TOX3: variants seen among roughly 807,000 people sequenced by gnomAD.
TOX3 encodes CAG trinucleotide repeat-containing gene F9 protein.
A neutral mutation model predicts 64.3 loss-of-function variants in TOX3; 22 were observed. That is an observed-to-expected ratio of 0.34 (90% CI 0.24 to 0.49). The LOEUF (loss-of-function observed/expected upper bound fraction) is 0.49, where lower values mean the gene tolerates loss of function less well. Ranked by LOEUF, TOX3 falls within the 20% of genes least tolerant of loss-of-function variation. The pLI, the probability that TOX3 is intolerant of heterozygous loss-of-function variation, is 0.99. For missense variants in TOX3, 661 were observed against 714.4 expected, an observed-to-expected ratio of 0.93 and a Z score of 0.85; for synonymous variants, 291 against 273.6, an observed-to-expected ratio of 1.06 and a Z score of -0.63.
At chr16:52,512,012 T>A (rs558082275) in intron 1 of TOX3, among the ~76,000 whole-genome samples, 1 of 152,286 alleles carries the variant, frequency 6.6e-6, no homozygotes, top group East Asian at 1.9e-4. Flanking sequence ...CGTTGCCTAT[T>A]CCTCAACTTT....
chr16:52,469,721 A>G (rs1960983913), intron 1 of TOX3, among the ~76,000 whole-genome samples: 1 of 152,218 alleles, frequency 6.6e-6, no homozygotes, highest in African/African-American at 2.4e-5. Flanking sequence ...TTGAGAATAA[A>G]TAGAATATGG....
chr16:52,470,477 C>T (rs984836990), intron 1 of TOX3, among the ~76,000 whole-genome samples: 1 of 151,810 alleles, frequency 6.6e-6, no homozygotes, highest in East Asian at 1.9e-4. Flanking sequence ...TCTAATAGCA[C>T]CTAAAACAAC....
chr16:52,486,196 G>A (rs1961527313), intron 1 of TOX3, among the ~76,000 whole-genome samples: 1 of 152,162 alleles, frequency 6.6e-6, no homozygotes, highest in Admixed American at 6.5e-5. Flanking sequence ...AAGAGGCCTA[G>A]AGGAGAACCC....
Position 52,440,009 on chromosome 16 carries a change from T to A in TOX3, c.988-41A>T, listed in dbSNP as rs752944914. On this transcript the variant is annotated intron_variant, in intron 6 of 6. Transcript: ENST00000219746. ...GAAAATTCCAGACTGTTACAACACA[T>A]AAGTATTTAAAATATTTAAGCATTT... The A allele has an allele frequency of 2.1e-6, 3 of 1,441,068 alleles. No homozygotes were observed. In the East Asian group the frequency reaches 7.0e-5, roughly 33 times the overall value. The allele number at this position is 1,441,068 out of a possible 1,614,324, so 89.3% of individuals were successfully genotyped here.
intron 1 of TOX3, among the ~76,000 whole-genome samples, chr16:52,543,044 T>C (rs1047326977): frequency 6.6e-6 from 1 of 152,036 alleles, no homozygotes; most frequent in African/African-American, 2.4e-5. Flanking sequence ...GGGTGAGAGG[T>C]CAATAGCCAT....
intron 1 of TOX3, among the ~76,000 whole-genome samples, chr16:52,541,617 G>A (rs988203107): frequency 2.6e-5 from 4 of 152,220 alleles, no homozygotes; most frequent in Non-Finnish European, 5.9e-5. Flanking sequence ...AAATTTTCAA[G>A]TGGATTCACA....
At chr16:52,515,548 G>A (rs573548186) in intron 1 of TOX3, among the ~76,000 whole-genome samples, 146 of 152,264 alleles carry the variant, frequency 9.6e-4, no homozygotes, top group Middle Eastern at 3.4e-3. Context: ...CTGATGTTAC[G>A]CTTTAGTTTA....
At position 52,450,470 on chromosome 16, in the gene TOX3, T is replaced by C. The variant is rs1960302990; in HGVS notation, c.485A>G (p.Asp162Gly). The C allele has an allele frequency of 6.2e-7, 1 of 1,613,990 alleles. No homozygotes were observed. Among genetic ancestry groups the C allele is most frequent in the Non-Finnish European group, 8.5e-7 (1 of 1,179,888 alleles). Residue 162 changes from aspartate to glycine, a missense_variant, in exon 4 of 7, where the codon GAT (aspartate) becomes GGT (glycine). By Grantham distance (94) the Asp-to-Gly change is moderately conservative (BLOSUM62 -1). Around this residue, in one of 3 missense-constraint regions of TOX3, gnomAD observed 259 missense variants for 261.2 expected, o/e 0.99. Transcript: ENST00000219746. Reference protein sequence around the residue: ...LIMRSIVHMTDAARSGVMPPA... With the variant: ...LIMRSIVHMTGAARSGVMPPA... The stretch of plus-strand genomic sequence containing the variant: ...AGGCATGACCCCAGAACGCGCAGCA[T>C]CGGTCATGTGGACGATGGACCGCAT...
At chr16:52,497,243 G>A (rs955747897) in intron 1 of TOX3, among the ~76,000 whole-genome samples, 3 of 152,242 alleles carry the variant, frequency 2.0e-5, no homozygotes, top group Non-Finnish European at 4.4e-5. Flanking sequence ...AATAGTTATT[G>A]TTTGTACAAC....
At chr16:52,456,222 C>A (rs1369908838) in intron 3 of TOX3, among the ~76,000 whole-genome samples, 1 of 152,200 alleles carries the variant, frequency 6.6e-6, no homozygotes, top group Non-Finnish European at 1.5e-5. Flanking sequence ...CTATTCATTG[C>A]AATAAATATT....
rs534618118 is a variant in TOX3 at position 52,527,152 on chromosome 16, T to C, written c.87+19485A>G. 3.3e-5 allele frequency among the ~76,000 whole-genome samples: 5 copies of C among 152,232 alleles called. No individual in the cohort carries two copies. The South Asian group carries it at 1.0e-3, about 32-fold the overall frequency. ...AAAAGACTTCAGAGCTTGAGGTTCA[T>C]GTGACTCAAGATTTAAAAATAAAAA... is the stretch of plus-strand genomic sequence containing the variant. On this transcript the variant is annotated intron_variant, in intron 1 of 6. Coordinates refer to ENST00000219746, the MANE Select transcript of TOX3 (RefSeq NM_001080430.4).
chr16:52,493,524 A>T (rs957813863), intron 1 of TOX3, among the ~76,000 whole-genome samples: 1 of 152,238 alleles, frequency 6.6e-6, no homozygotes, highest in Non-Finnish European at 1.5e-5. Context: ...TCTGAAGAGA[A>T]TTACTTACTG....
chr16:52,536,072 T>G (rs1395999523), intron 1 of TOX3, among the ~76,000 whole-genome samples: 1 of 152,204 alleles, frequency 6.6e-6, no homozygotes, highest in African/African-American at 2.4e-5. Flanking sequence ...TCTAGTTCAC[T>G]TCTTACCACA....
Position 52,546,862 on chromosome 16 carries a change from C to A in TOX3, c.-139G>T. The A allele has an allele frequency of 8.2e-7, 1 of 1,216,598 alleles. No homozygotes were observed. The highest frequency in any genetic ancestry group is 1.0e-6 in the Non-Finnish European group (1 of 977,642). The allele number at this position is 1,216,598 out of a possible 1,614,324, so 75.4% of individuals were successfully genotyped here. ...CTCGCGGCCGGAGGGGCGCCGGGAC[C>A]CAGAGCCCGAGGAGCTCGGGAGCCG... On this transcript the variant is annotated 5_prime_UTR_variant, in exon 1 of 7. Transcript: ENST00000219746.
chr16:52,531,513 A>G (rs754910543), intron 1 of TOX3, among the ~76,000 whole-genome samples: 4 of 152,218 alleles, frequency 2.6e-5, no homozygotes, highest in Non-Finnish European at 5.9e-5. Flanking sequence ...GATTAACTTA[A>G]GTGGTGTATA....
intron 1 of TOX3, among the ~76,000 whole-genome samples, chr16:52,544,700 C>A (rs936164222): frequency 1.3e-5 from 2 of 152,140 alleles, no homozygotes; most frequent in Non-Finnish European, 2.9e-5. Flanking sequence ...GCTTTATATA[C>A]CCTCCCTGAA....
At chr16:52,445,880 GAT>G in intron 5 of TOX3, 112 bp downstream of exon 5, 1 of 968,464 alleles carries the variant, frequency 1.0e-6, no homozygotes, top group Non-Finnish European at 1.5e-6. Flanking sequence ...CTTAGAAAAG[GAT>G]TTCAAAAGAA....
At chr16:52,502,141 A>G (rs1047890868) in intron 1 of TOX3, among the ~76,000 whole-genome samples, 2 of 152,204 alleles carry the variant, frequency 1.3e-5, no homozygotes, top group African/African-American at 4.8e-5. Context: ...TGTAAGACAA[A>G]CAGCTAAGCA....
At chr16:52,519,219 A>T (rs1188892613) in intron 1 of TOX3, among the ~76,000 whole-genome samples, 2 of 152,208 alleles carry the variant, frequency 1.3e-5, no homozygotes, top group Non-Finnish European at 2.9e-5. Flanking sequence ...GTTTAAAGCC[A>T]CTGAAACTGA....
Sources: allele counts gnomAD v4.1 joint callset (sites outside exome capture counted in the v4.1 genomes callset), GRCh38; gene constraint gnomAD v4.1.1; regional missense constraint gnomAD v4.1.1; transcripts MANE v1.5; gene names NCBI Gene and HGNC (gene_info 2026-07-23, HGNC 2026-07-21).